The following ICA1 variants were observed in gnomAD, a reference collection of about 807,000 sequenced individuals.
ICA1 encodes 69 kDa islet cell autoantigen.
A neutral mutation model predicts 71.0 loss-of-function variants in ICA1; 40 were observed. That is an observed-to-expected ratio of 0.56 (90% CI 0.44 to 0.73). The LOEUF (loss-of-function observed/expected upper bound fraction) is 0.73, where lower values mean the gene tolerates loss of function less well. ICA1 is among the 30% of genes least tolerant of loss of function. The probability of loss-of-function intolerance (pLI) is 0.00; values close to 1 mark genes in which losing one functional copy is unlikely to be tolerated. For missense variants in ICA1, 578 were observed against 576.5 expected (o/e 1.00, Z -0.03); for synonymous variants, 207 against 209.5 (o/e 0.99, Z 0.10).
intron 6 of ICA1, among the ~76,000 whole-genome samples, chr7:8,187,284 C>T (rs1333937049): frequency 6.6e-6 from 1 of 152,142 alleles, no homozygotes; most frequent in Non-Finnish European, 1.5e-5. Flanking sequence ...CAAACCTGTA[C>T]AACATGTTAT....
At chr7:8,135,157 G>C (rs951893219) in intron 12 of ICA1, among the ~76,000 whole-genome samples, 3 of 152,064 alleles carry the variant, frequency 2.0e-5, no homozygotes, top group Non-Finnish European at 4.4e-5. Flanking sequence ...CTCCAGAGTA[G>C]CTGGGATTAC....
chr7:8,126,334 G>A (rs1789169958), intron 13 of ICA1, among the ~76,000 whole-genome samples: 1 of 152,098 alleles, frequency 6.6e-6, no homozygotes, highest in Non-Finnish European at 1.5e-5. Flanking sequence ...CAGGTGGGTG[G>A]GGATGAAACT....
chr7:8,121,754 T>C (rs1291709103), intron 13 of ICA1, among the ~76,000 whole-genome samples: 1 of 152,150 alleles, frequency 6.6e-6, no homozygotes, highest in Non-Finnish European at 1.5e-5. Flanking sequence ...CCAAAGAGTA[T>C]AATTGGAATG....
intron 2 of ICA1, among the ~76,000 whole-genome samples, chr7:8,233,062 A>G (rs17330771): frequency 0.43 from 66,011 of 152,048 alleles, 14,633 homozygotes; most frequent in African/African-American, 0.5. Flanking sequence ...AGACAGTGAG[A>G]TCAAGCCAGG....
intron 12 of ICA1, among the ~76,000 whole-genome samples, chr7:8,134,815 C>T (rs991223463): frequency 6.6e-6 from 1 of 151,906 alleles, no homozygotes; most frequent in African/African-American, 2.4e-5. Context: ...AGAGGAAAAA[C>T]AACTCCTACT....
chr7:8,125,617 T>C (rs776097786), intron 13 of ICA1, among the ~76,000 whole-genome samples: 11 of 152,244 alleles, frequency 7.2e-5, no homozygotes, highest in Non-Finnish European at 1.5e-4. Flanking sequence ...CTTATTATTA[T>C]GCTTATTATT....
chr7:8,114,077 A>T (rs1281770910), intron 13 of ICA1, 33 bp from the exon 14 acceptor site: 1 of 1,613,784 alleles, frequency 6.2e-7, no homozygotes, highest in Non-Finnish European at 8.5e-7. Flanking sequence ...GAGCAAACGC[A>T]CCTTCCAAAT....
intron 8 of ICA1, among the ~76,000 whole-genome samples, chr7:8,145,586 T>A (rs188310216): frequency 1.1e-4 from 16 of 152,106 alleles, no homozygotes; most frequent in South Asian, 8.3e-4. Context: ...TTATGTTTTG[T>A]CTCCGTAAAA....
At chr7:8,221,612 A>C (rs1407331033) in intron 4 of ICA1, among the ~76,000 whole-genome samples, 1 of 152,188 alleles carries the variant, frequency 6.6e-6, no homozygotes, top group Non-Finnish European at 1.5e-5. Flanking sequence ...AATTCACTTG[A>C]ATACATCTGT....
At chr7:8,142,094 C>G (rs1280703744) in intron 9 of ICA1, 7 of 984,950 alleles carry the variant, frequency 7.1e-6, no homozygotes, top group South Asian at 2.9e-5. Context: ...TAGACGCATA[C>G]AGTTATCACC....
At chr7:8,133,347 T>C (rs1289342193) in intron 12 of ICA1, among the ~76,000 whole-genome samples, 1 of 152,182 alleles carries the variant, frequency 6.6e-6, no homozygotes, top group Non-Finnish European at 1.5e-5. Context: ...CAGGCTGGAG[T>C]GCAGTGGTGC....
chr7:8,249,319 A>C lies in ICA1; in HGVS notation c.-80+12775T>G, dbSNP rs537720643. ...AAGTGGTATTATTCTAGGCAGAGGA[A>C]ATGCAGTGAACAAATTCTTCCACAG... On this transcript the variant is annotated intron_variant, in intron 1 of 13. Transcript: ENST00000402384. 2.6e-5 allele frequency among the ~76,000 whole-genome samples: 4 copies of C among 152,350 alleles called. No individual in the cohort carries two copies. In the South Asian group the frequency reaches 8.3e-4, roughly 32 times the overall value.
intron 12 of ICA1, 145 bp downstream of exon 12, chr7:8,138,695 G>T (rs1178710397): frequency 2.7e-5 from 18 of 665,372 alleles, no homozygotes; most frequent in Non-Finnish European, 4.8e-5. Flanking sequence ...GCATATTTGA[G>T]GTCATTTATA....
In ICA1 at chr7:8,121,407, G is replaced by C. The variant is rs141299279; in HGVS notation, c.1330+6466C>G. Among the ~76,000 whole-genome samples the C allele has an allele frequency of 1.8e-4, 28 of 152,320 alleles. 1 individual carries two copies. In the East Asian group the frequency reaches 5.2e-3, roughly 28 times the overall value. On this transcript the variant is annotated intron_variant, in intron 13 of 13. Coordinates refer to ENST00000402384, the MANE Select transcript of ICA1 (RefSeq NM_001136020.3). The stretch of plus-strand genomic sequence containing the variant: ...CTGTTCCCATGACAACCTAGAGCAA[G>C]AGACAGAAAATGGAATCAGAATGAG...
chr7:8,188,295 T>G (rs1412953167), intron 6 of ICA1, among the ~76,000 whole-genome samples: 2 of 152,214 alleles, frequency 1.3e-5, no homozygotes, highest in Non-Finnish European at 2.9e-5. Context: ...TTTCTAAGTT[T>G]CATCATTTCT....
intron 1 of ICA1, 69 bp from the exon 2 acceptor site, chr7:8,236,074 A>G: frequency 2.4e-6 from 2 of 827,096 alleles, no homozygotes; most frequent in South Asian, 3.7e-5. Flanking sequence ...TGACACACAT[A>G]AAAGCCTTCA....
chr7:8,161,835 C>T (rs1286341938), intron 6 of ICA1, among the ~76,000 whole-genome samples: 1 of 152,146 alleles, frequency 6.6e-6, no homozygotes, highest in Non-Finnish European at 1.5e-5. Context: ...GCCTTGTGTG[C>T]AATGAGAAAT....
At chr7:8,154,941 T>C (rs775079136) in intron 8 of ICA1, among the ~76,000 whole-genome samples, 1 of 152,194 alleles carries the variant, frequency 6.6e-6, no homozygotes, top group African/African-American at 2.4e-5. Flanking sequence ...AAGAAAAATA[T>C]TAGGTTGGTG....
At chr7:8,194,292 A>C (rs1410572573) in intron 6 of ICA1, among the ~76,000 whole-genome samples, 1 of 152,212 alleles carries the variant, frequency 6.6e-6, no homozygotes, top group Non-Finnish European at 1.5e-5. Context: ...GACCAAATGT[A>C]ATAAATGTTA....
Sources: allele counts gnomAD v4.1 joint callset (sites outside exome capture counted in the v4.1 genomes callset), GRCh38; gene constraint gnomAD v4.1.1; transcripts MANE v1.5; gene names NCBI Gene and HGNC (gene_info 2026-07-23, HGNC 2026-07-21).